Variants in CLDN16 observed in about 807,000 individuals in gnomAD.
CLDN16 encodes claudin 16.
In CLDN16, 13 loss-of-function variants were observed where a neutral mutation model predicts 24.6. That is an observed-to-expected ratio of 0.53 (90% CI 0.34 to 0.84). CLDN16 has a LOEUF of 0.84. CLDN16 is among the 40% of genes least tolerant of loss of function. CLDN16 has a pLI of 0.01. For missense variants in CLDN16, 298 were observed against 292.7 expected (o/e 1.02, Z -0.13); for synonymous variants, 116 against 106.7 (o/e 1.09, Z -0.54).
At chr3:190,378,016 A>G (rs933412203) in intron 3 of CLDN16, among the ~76,000 whole-genome samples, 2 of 152,086 alleles carry the variant, frequency 1.3e-5, no homozygotes, top group African/African-American at 4.8e-5. Flanking sequence ...ATTTAGGACC[A>G]TGTTCTCTGG....
At chr3:190,327,725 C>G (rs1717098007) in intron 1 of CLDN16, among the ~76,000 whole-genome samples, 3 of 152,046 alleles carry the variant, frequency 2.0e-5, no homozygotes, top group African/African-American at 7.2e-5. Flanking sequence ...ACAGTGATAC[C>G]CAAAGACTGC....
intron 1 of CLDN16, among the ~76,000 whole-genome samples, chr3:190,341,925 G>A (rs775203012): frequency 5.3e-5 from 8 of 152,128 alleles, no homozygotes; most frequent in Non-Finnish European, 1.2e-4. Flanking sequence ...CAGTCTCTTT[G>A]CTAAAACATA....
At chr3:190,314,765 G>A in the CLDN16 span, among the ~76,000 whole-genome samples, 1 of 152,106 alleles carries the variant, frequency 6.6e-6, no homozygotes. Flanking sequence ...TATTTTTGAA[G>A]CCAAGGTTAA....
In CLDN16 at chr3:190,402,324, C is replaced by G. The variant is rs1349532348; in HGVS notation, c.115-13C>G. 1 of 1,603,792 alleles carries G rather than the reference C, an allele frequency of 6.2e-7. No individual in the cohort carries two copies. The highest frequency in any genetic ancestry group is 1.1e-5 in the South Asian group (1 of 90,846). ...CATGAATTGTTTCACACGGTGTCTT[C>G]TCTAACATCTAGGTGAGCACAAAAT... On this transcript the variant is annotated splice_polypyrimidine_tract_variant and intron_variant, in intron 1 of 4. Transcript: ENST00000264734.
intron 1 of CLDN16, among the ~76,000 whole-genome samples, chr3:190,365,521 T>A (rs1718002058): frequency 6.7e-6 from 1 of 148,312 alleles, no homozygotes; most frequent in Admixed American, 6.8e-5. Flanking sequence ...GTTCTAGTAT[T>A]TCTACTTCAT....
intron 3 of CLDN16, among the ~76,000 whole-genome samples, chr3:190,374,787 C>T (rs1395989706): frequency 6.6e-6 from 1 of 151,964 alleles, no homozygotes; most frequent in Admixed American, 6.6e-5. Context: ...ACCAAGGCTA[C>T]TAAACCTAAA....
chr3:190,365,587 T>C (rs1718003665), intron 1 of CLDN16, among the ~76,000 whole-genome samples: 1 of 149,760 alleles, frequency 6.7e-6, no homozygotes, highest in Non-Finnish European at 1.5e-5. Context: ...ACAACTCTAA[T>C]ACTATTTTCC....
the CLDN16 span, chr3:190,312,830 G>A: frequency 6.2e-7 from 1 of 1,604,784 alleles, no homozygotes; most frequent in South Asian, 1.1e-5. Flanking sequence ...ATCATACCAG[G>A]AACAGGTTAG....
chr3:190,384,436 A>G (rs1718438585), upstream of CLDN16, among the ~76,000 whole-genome samples: 1 of 152,162 alleles, frequency 6.6e-6, no homozygotes, highest in African/African-American at 2.4e-5. Context: ...TTCCAGTTCT[A>G]CAATTACTTC....
intron 1 of CLDN16, among the ~76,000 whole-genome samples, chr3:190,347,570 AG>A (rs1373259589): frequency 6.6e-6 from 1 of 152,226 alleles, no homozygotes; most frequent in Admixed American, 6.5e-5. Flanking sequence ...TTAGGTATCA[AG>A]GACACAGTTG....
upstream of CLDN16, among the ~76,000 whole-genome samples, chr3:190,385,646 T>C (rs1354635842): frequency 6.6e-6 from 1 of 152,112 alleles, no homozygotes; most frequent in Non-Finnish European, 1.5e-5. Context: ...TGAGAATGCA[T>C]ATGCTTAGCA....
the CLDN16 span, among the ~76,000 whole-genome samples, chr3:190,302,995 A>T: frequency 6.6e-6 from 1 of 151,898 alleles, no homozygotes; most frequent in African/African-American, 2.4e-5. Flanking sequence ...AATTATTTGA[A>T]AGTTCTACCT....
upstream of CLDN16, chr3:190,322,439 A>C: frequency 1.7e-6 from 1 of 575,760 alleles, no homozygotes; most frequent in Non-Finnish European, 3.1e-6. Flanking sequence ...AGGCTCGGGA[A>C]CTGAGACGCA....
intron 2 of CLDN16, among the ~76,000 whole-genome samples, chr3:190,403,328 T>C (rs1352106734): frequency 6.6e-6 from 1 of 152,142 alleles, no homozygotes; most frequent in Non-Finnish European, 1.5e-5. Flanking sequence ...CAAGACTTCA[T>C]CTCAAAAATA....
chr3:190,388,776 T>C (rs1281958231), intron 1 of CLDN16, among the ~76,000 whole-genome samples: 1 of 152,186 alleles, frequency 6.6e-6, no homozygotes, highest in Non-Finnish European at 1.5e-5. Context: ...TCATATTGAG[T>C]AACATTTCAG....
intron 3 of CLDN16, among the ~76,000 whole-genome samples, chr3:190,405,608 A>T (rs1013303132): frequency 8.6e-5 from 13 of 152,038 alleles, no homozygotes; most frequent in African/African-American, 3.1e-4. Context: ...ACCACCACCA[A>T]CTCCACCAAT....
intron 1 of CLDN16, among the ~76,000 whole-genome samples, chr3:190,400,185 C>T (rs1718927897): frequency 6.6e-6 from 1 of 151,926 alleles, no homozygotes; most frequent in Non-Finnish European, 1.5e-5. Flanking sequence ...GTTCCTTGGC[C>T]CCTACCCTTC....
intron 1 of CLDN16, among the ~76,000 whole-genome samples, chr3:190,364,107 T>C (rs1717967651): frequency 6.6e-6 from 1 of 151,950 alleles, no homozygotes; most frequent in Non-Finnish European, 1.5e-5. Context: ...AACCAATACA[T>C]TTGTGAACAA....
intron 3 of CLDN16, among the ~76,000 whole-genome samples, chr3:190,377,412 A>G (rs1439534103): frequency 1.3e-5 from 2 of 151,990 alleles, no homozygotes; most frequent in South Asian, 4.1e-4. Context: ...TCATCCTTCT[A>G]TCATAAGAGT....
Sources: gnomAD v4.1 joint callset for allele counts (sites outside exome capture counted in the v4.1 genomes callset) on GRCh38, gnomAD v4.1.1 for gene constraint, MANE v1.5 for transcripts, NCBI Gene and HGNC (gene_info 2026-07-23, HGNC 2026-07-21) for gene names.